GRHL3: variants seen among roughly 807,000 people sequenced by gnomAD.
GRHL3 encodes grainyhead like transcription factor 3, also known as grainyhead-like protein 3 homolog.
A neutral mutation model predicts 70.3 loss-of-function variants in GRHL3; 20 were observed. The observed-to-expected ratio is 0.28, with a 90% CI of 0.20 to 0.41. The LOEUF (loss-of-function observed/expected upper bound fraction) is 0.41. GRHL3 is among the 10% of genes least tolerant of loss of function. The probability of loss-of-function intolerance (pLI) is 1.00; values close to 1 mark genes in which losing one functional copy is unlikely to be tolerated. For missense variants in GRHL3, 637 were observed against 762.3 expected (o/e 0.84, Z 1.94); for synonymous variants, 299 against 299.9 (o/e 1.00, Z 0.03).
chr1:24,326,457 C>A (rs11249089), intron 1 of GRHL3, among the ~76,000 whole-genome samples: 19,028 of 151,282 alleles, frequency 0.13, 1,409 homozygotes, highest in Non-Finnish European at 0.17. Flanking sequence ...TCCGTCACTC[C>A]CTTGGGTTCA....
downstream of GRHL3, chr1:24,358,489 C>A: frequency 6.9e-7 from 1 of 1,445,490 alleles, no homozygotes; most frequent in Non-Finnish European, 9.7e-7. Flanking sequence ...GTCCTGGGGA[C>A]GCTGGGCAGG....
Position 24,319,402 on chromosome 1 carries a change from G to T in GRHL3, c.-150G>T. 2.4e-6 allele frequency: 2 copies of T among 831,222 alleles called. No homozygotes were observed. Among genetic ancestry groups the T allele is most frequent in the South Asian group, 1.4e-5 (1 of 72,844 alleles). The allele number at this position is 831,222 out of a possible 1,614,324, so 51.5% of individuals were successfully genotyped here. A position where few individuals can be genotyped will look rare whatever the true frequency, so the allele number is the denominator to read the frequency against. On this transcript the variant is annotated 5_prime_UTR_variant, in exon 1 of 16. Transcript: ENST00000361548. ...GTAGCCAATCAGCGCCAGCGCTGCTGGGAACCTACCTGTCAGCAAAATCTC... is the reference window on the plus strand; with the variant it reads ...GTAGCCAATCAGCGCCAGCGCTGCTTGGAACCTACCTGTCAGCAAAATCTC...
chr1:24,357,797 A>G, downstream of GRHL3: 1 of 253,986 alleles, frequency 3.9e-6, no homozygotes, highest in Non-Finnish European at 7.8e-6. Context: ...AGGCCTAGAC[A>G]GGCCATGTGG....
At chr1:24,351,118 C>T (rs1640487329) in intron 15 of GRHL3, among the ~76,000 whole-genome samples, 1 of 152,246 alleles carries the variant, frequency 6.6e-6, no homozygotes, top group Non-Finnish European at 1.5e-5. Flanking sequence ...CAATCTGATC[C>T]TCTTGCTGTG....
Position 24,322,208 on chromosome 1 carries a change from C to T in GRHL3, c.17+2640C>T, listed in dbSNP as rs1239644770. ...GGCACCGAGGCAGGAGCGTCCCCCG[C>T]GGCCTCGCTCCCTGCTCTCTGGGCC... On this transcript the variant is annotated intron_variant, in intron 1 of 15. Transcript: ENST00000361548. This position sits in a 1 kb window ranked among gnomAD's most constrained non-coding sequence, Gnocchi z 4.4. Among the ~76,000 whole-genome samples the T allele has an allele frequency of 6.6e-6, 1 of 152,154 alleles. No homozygotes were observed. The highest frequency in any genetic ancestry group is 1.5e-5 in the Non-Finnish European group (1 of 68,004).
At chr1:24,327,015 TGAAAATTTAA>T (rs1639424629) in intron 1 of GRHL3, among the ~76,000 whole-genome samples, 1 of 152,232 alleles carries the variant, frequency 6.6e-6, no homozygotes, top group Non-Finnish European at 1.5e-5. Context: ...TGTGGGAGGA[TGAAAATTTAA>T]GAACCTCAGG....
Position 24,344,884 on chromosome 1 carries a change from C to A in GRHL3, c.1420-13C>A. 6.2e-7 allele frequency: 1 copy of A among 1,613,662 alleles called. No individual in the cohort carries two copies. The highest frequency in any genetic ancestry group is 1.1e-5 in the South Asian group (1 of 91,090). On this transcript the variant is annotated splice_polypyrimidine_tract_variant and intron_variant, in intron 11 of 15. Coordinates refer to ENST00000361548, the MANE Select transcript of GRHL3 (RefSeq NM_198173.3). ...TGCGTGTGATGGAAAATGTCTTTTT[C>A]ACTTCATTGCAGGCAGCCCCCTCGG...
At chr1:24,343,164 A>G in intron 11 of GRHL3, 139 bp downstream of exon 11, 1 of 863,096 alleles carries the variant, frequency 1.2e-6, no homozygotes, top group South Asian at 1.6e-5. Flanking sequence ...ATAGGGGTTT[A>G]AACATGTATA....
chr1:24,342,418 C>A lies in GRHL3; in HGVS notation c.1206+145C>A. On this transcript the variant is annotated intron_variant, in intron 9 of 15. Coordinates refer to ENST00000361548, the MANE Select transcript of GRHL3 (RefSeq NM_198173.3). The surrounding 1 kb of genome is among the most constrained non-coding windows in gnomAD (Gnocchi z 4.8). ...TCCTCCTTCCCCTCTCCTCCTCCAC[C>A]CCCACTCCTCCATCTCTCTGTCTCT... 1.5e-6 allele frequency: 1 copy of A among 685,966 alleles called. No homozygotes were observed. The allele number at this position is 685,966 out of a possible 1,614,324, so 42.5% of individuals were successfully genotyped here.
At chr1:24,357,255 G>A (rs1000024751), downstream of GRHL3, 1 of 152,254 alleles carries the variant, frequency 6.6e-6, no homozygotes, top group African/African-American at 2.4e-5. Flanking sequence ...ACGAGGTGAT[G>A]TGTGAAGGTT....
chr1:24,345,652 C>T (rs558361813), intron 12 of GRHL3, among the ~76,000 whole-genome samples: 1 of 152,280 alleles, frequency 6.6e-6, no homozygotes, highest in African/African-American at 2.4e-5. Flanking sequence ...CCAACACACC[C>T]CCACTGGGGG....
intron 15 of GRHL3, among the ~76,000 whole-genome samples, chr1:24,360,445 C>A (rs968528550): frequency 2.8e-4 from 42 of 151,834 alleles, no homozygotes; most frequent in African/African-American, 9.2e-4. Context: ...GACTCCGTCT[C>A]AAAAAAATAA....
At chr1:24,326,379 A>G (rs1015923443) in intron 1 of GRHL3, among the ~76,000 whole-genome samples, 2 of 87,892 alleles carry the variant, frequency 2.3e-5, no homozygotes, top group Non-Finnish European at 4.6e-5. Flanking sequence ...CTTCTCCTCC[A>G]CCCCTCTTCT....
intron 1 of GRHL3, among the ~76,000 whole-genome samples, chr1:24,330,132 T>C (rs1569864570): frequency 6.6e-6 from 1 of 152,222 alleles, no homozygotes; most frequent in South Asian, 2.1e-4. Flanking sequence ...CAGTGTGAGA[T>C]TTCAGTGCAC....
intron 1 of GRHL3, among the ~76,000 whole-genome samples, chr1:24,325,180 G>A (rs776442055): frequency 3.3e-5 from 5 of 152,144 alleles, no homozygotes; most frequent in Non-Finnish European, 7.3e-5. Flanking sequence ...CCCAGCTCAG[G>A]CGGCCCCTGG....
intron 6 of GRHL3, 70 bp from the exon 7 acceptor site, chr1:24,337,921 CA>C: frequency 1.9e-6 from 3 of 1,543,808 alleles, no homozygotes; most frequent in Non-Finnish European, 2.6e-6. Flanking sequence ...GAAACTGAGG[CA>C]AAAGGGCAGG....
At chr1:24,332,591 T>C (rs1639652840) in intron 2 of GRHL3, among the ~76,000 whole-genome samples, 1 of 152,190 alleles carries the variant, frequency 6.6e-6, no homozygotes, top group Non-Finnish European at 1.5e-5. Flanking sequence ...CTGTCTGAAT[T>C]GTCACAAGAC....
intron 1 of GRHL3, 84 bp downstream of exon 1, chr1:24,319,652 C>G (rs1410621474): frequency 1.9e-6 from 3 of 1,610,588 alleles, no homozygotes; most frequent in Admixed American, 1.7e-5. Flanking sequence ...GCGGGGAGGC[C>G]GGCACCGGGA....
intron 2 of GRHL3, among the ~76,000 whole-genome samples, chr1:24,332,927 G>A (rs1224904277): frequency 6.6e-6 from 1 of 152,228 alleles, no homozygotes; most frequent in Non-Finnish European, 1.5e-5. Context: ...CATCCAGAGA[G>A]TGTTCAGCCC....
Sources: allele counts gnomAD v4.1 joint callset (sites outside exome capture counted in the v4.1 genomes callset), GRCh38; gene constraint gnomAD v4.1.1; non-coding constraint Gnocchi (gnomAD v3.1); transcripts MANE v1.5; gene names NCBI Gene and HGNC (gene_info 2026-07-23, HGNC 2026-07-21).